NDST3: variants seen among roughly 807,000 people sequenced by gnomAD.
NDST3 encodes the protein bifunctional heparan sulfate N-deacetylase/N-sulfotransferase 3.
NDST3 carries 58 observed loss-of-function variants against 96.1 expected under a neutral mutation model. That is an observed-to-expected ratio of 0.60 (90% CI 0.49 to 0.75). The LOEUF is 0.75. Ranked by LOEUF, NDST3 falls within the 30% of genes least tolerant of loss-of-function variation. The pLI is 0.00. For synonymous variants in NDST3, 333 were observed against 359.7 expected, an observed-to-expected ratio of 0.93 and a Z score of 0.84; for missense variants, 788 against 1,034.2, an observed-to-expected ratio of 0.76 and a Z score of 3.27.
intron 3 of NDST3, among the ~76,000 whole-genome samples, chr4:118,108,296 G>C (rs1730368014): frequency 6.6e-6 from 1 of 152,142 alleles, no homozygotes; most frequent in Non-Finnish European, 1.5e-5. Flanking sequence ...GAAAAGAAGA[G>C]TTACTTTTTA....
At chr4:118,180,996 T>A (rs544450997) in intron 6 of NDST3, among the ~76,000 whole-genome samples, 1 of 152,224 alleles carries the variant, frequency 6.6e-6, no homozygotes, top group East Asian at 1.9e-4. Context: ...TGCCACCTCA[T>A]AGCACAAACT....
At chr4:118,046,693 C>T (rs369941887) in intron 1 of NDST3, among the ~76,000 whole-genome samples, 2 of 152,154 alleles carry the variant, frequency 1.3e-5, no homozygotes, top group South Asian at 2.1e-4. Flanking sequence ...GCCCCAATTC[C>T]ATCCAAGTGC....
chr4:118,209,274 T>C (rs1260406742), intron 6 of NDST3, among the ~76,000 whole-genome samples: 1 of 152,210 alleles, frequency 6.6e-6, no homozygotes, highest in Admixed American at 6.5e-5. Flanking sequence ...CATTTTTAAA[T>C]CTATCATAAG....
intron 6 of NDST3, among the ~76,000 whole-genome samples, chr4:118,167,027 G>T (rs1351512066): frequency 6.6e-6 from 1 of 151,076 alleles, no homozygotes; most frequent in Admixed American, 6.6e-5. Flanking sequence ...CATTGTACTG[G>T]AAGTACTAGC....
At chr4:118,162,899 T>A (rs1735271048) in intron 6 of NDST3, among the ~76,000 whole-genome samples, 1 of 147,076 alleles carries the variant, frequency 6.8e-6, no homozygotes, top group Non-Finnish European at 1.5e-5. Context: ...CAAACAAATT[T>A]ACAAGAAAAA....
chr4:118,068,007 A>G (rs1726736233), intron 2 of NDST3, among the ~76,000 whole-genome samples: 1 of 152,050 alleles, frequency 6.6e-6, no homozygotes, highest in Admixed American at 6.6e-5. Flanking sequence ...AGGAAAGTCT[A>G]TGAGAGTAAT....
intron 7 of NDST3, 25 bp from the exon 8 acceptor site, chr4:118,226,861 A>T (rs1444047428): frequency 1.3e-6 from 2 of 1,534,980 alleles, no homozygotes; most frequent in Non-Finnish European, 1.8e-6. Context: ...AAAAAAATAC[A>T]TCTCTATGTT....
chr4:118,093,025 G>GA (rs33936644), intron 2 of NDST3, among the ~76,000 whole-genome samples: 140,417 of 151,366 alleles, frequency 0.93, 66,087 homozygotes, highest in East Asian at 1. Context: ...TAGGGGCAGA[G>GA]AAAATAACAG....
At chr4:118,225,740 G>A (rs530241199) in intron 7 of NDST3, among the ~76,000 whole-genome samples, 13 of 152,312 alleles carry the variant, frequency 8.5e-5, no homozygotes, top group African/African-American at 3.1e-4. Flanking sequence ...TCAACCGTAA[G>A]TTAATTACCT....
chr4:118,212,019 C>G (rs568765184), intron 6 of NDST3, among the ~76,000 whole-genome samples: 3 of 152,220 alleles, frequency 2.0e-5, no homozygotes, highest in African/African-American at 7.2e-5. Flanking sequence ...CTGTTTCTTT[C>G]CATTCCACTT....
In NDST3 at chr4:118,143,540, T is replaced by G; in HGVS notation, c.1411-16T>G. 2 of 1,588,892 alleles carry G rather than the reference T, an allele frequency of 1.3e-6. No homozygotes were observed. The highest frequency in any genetic ancestry group is 1.7e-6 in the Non-Finnish European group (2 of 1,173,560). On this transcript the variant is annotated splice_polypyrimidine_tract_variant and intron_variant, in intron 5 of 13. Transcript: ENST00000296499. ...AAAAAAAAAGCTTTTCCTTACTTTT[T>G]TCATTTTTCCTTCAGGTTCTCCCAA...
intron 6 of NDST3, among the ~76,000 whole-genome samples, chr4:118,190,244 C>A (rs1346250110): frequency 6.6e-6 from 1 of 151,470 alleles, no homozygotes; most frequent in Non-Finnish European, 1.5e-5. Flanking sequence ...AAATAAAAAC[C>A]ATTTTATAAT....
rs1739091354 is a variant in NDST3 at position 118,214,887 on chromosome 4, G to C, written c.1540-9604G>C. ...GGAATACAAAAGGAAGACCAGATCT[G>C]TCTGTAAAGATTCATTCATTCAAAT... On this transcript the variant is annotated intron_variant, in intron 6 of 13. Coordinates refer to ENST00000296499, the MANE Select transcript of NDST3 (RefSeq NM_004784.3). 3.9e-5 allele frequency among the ~76,000 whole-genome samples: 6 copies of C among 152,238 alleles called. No homozygotes were observed. In the South Asian group the frequency reaches 1.2e-3, roughly 32 times the overall value.
intron 1 of NDST3, among the ~76,000 whole-genome samples, chr4:118,040,827 C>T (rs1173228232): frequency 6.8e-6 from 1 of 146,710 alleles, no homozygotes; most frequent in African/African-American, 2.5e-5. Context: ...GGACCACCTG[C>T]CACCATGTCC....
rs572687954 is a variant in NDST3, at chr4:118,062,899, G to A, written c.981+8008G>A. On this transcript the variant is annotated intron_variant, in intron 2 of 13. Transcript: ENST00000296499. ...TGGTGACTGATTACATTTTTTAAAGGTCTGATACAGTCTGGGCACAGTGGC... is the reference window on the plus strand; with the variant it reads ...TGGTGACTGATTACATTTTTTAAAGATCTGATACAGTCTGGGCACAGTGGC... Among the ~76,000 whole-genome samples, 6 of 152,034 alleles carry A rather than the reference G, an allele frequency of 3.9e-5. No homozygotes were observed. In the East Asian group the frequency reaches 1.2e-3, roughly 29 times the overall value.
chr4:118,104,078 T>C (rs10213202), intron 2 of NDST3, among the ~76,000 whole-genome samples: 4,565 of 152,182 alleles, frequency 0.03, 258 homozygotes, highest in African/African-American at 0.1. Flanking sequence ...GCTTTATAAT[T>C]AAGAAAATAA....
intron 6 of NDST3, among the ~76,000 whole-genome samples, chr4:118,156,749 T>A (rs1404870741): frequency 6.6e-6 from 1 of 152,216 alleles, no homozygotes; most frequent in East Asian, 1.9e-4. Flanking sequence ...ATTGAGACAC[T>A]ATTTCTTACC....
intron 2 of NDST3, among the ~76,000 whole-genome samples, chr4:118,066,197 T>TAC (rs1726364316): frequency 5.9e-5 from 4 of 68,298 alleles, no homozygotes; most frequent in African/African-American, 2.3e-4. Flanking sequence ...TCTTATATAT[T>TAC]ATATTTTATA....
intron 2 of NDST3, among the ~76,000 whole-genome samples, chr4:118,087,630 A>G (rs1391147853): frequency 6.6e-6 from 1 of 152,122 alleles, no homozygotes; most frequent in African/African-American, 2.4e-5. Flanking sequence ...AGCTTCTCCC[A>G]TGTCCATACT....
Sources: gnomAD v4.1 joint callset for allele counts (sites outside exome capture counted in the v4.1 genomes callset) on GRCh38, gnomAD v4.1.1 for gene constraint, MANE v1.5 for transcripts, NCBI Gene and HGNC (gene_info 2026-07-23, HGNC 2026-07-21) for gene names.